Variants in MYCBP2 observed in about 807,000 individuals in gnomAD.
MYCBP2 encodes MYC binding protein 2.
MYCBP2 carries 120 observed loss-of-function variants against 525.3 expected under a neutral mutation model. That is an observed-to-expected ratio of 0.23 (90% CI 0.20 to 0.27). The LOEUF (loss-of-function observed/expected upper bound fraction) is 0.27, where lower values mean the gene tolerates loss of function less well. Ranked by LOEUF, MYCBP2 falls within the 10% of genes least tolerant of loss-of-function variation. The probability of loss-of-function intolerance (pLI) is 1.00; values close to 1 mark genes in which losing one functional copy is unlikely to be tolerated. For synonymous variants in MYCBP2, 1,894 were observed against 1,955.8 expected (o/e 0.97, Z 0.83); for missense variants, 4,149 against 5,657.1 (o/e 0.73, Z 8.55).
chr13:77,321,174 A>AT (rs1322244371), intron 1 of MYCBP2, among the ~76,000 whole-genome samples: 1 of 152,190 alleles, frequency 6.6e-6, no homozygotes, highest in Non-Finnish European at 1.5e-5. Context: ...TATTCTGTTG[A>AT]TTTTTTAAAC....
intron 15 of MYCBP2, among the ~76,000 whole-genome samples, chr13:77,249,301 T>C (rs1424294731): frequency 1.3e-5 from 2 of 152,186 alleles, no homozygotes; most frequent in Admixed American, 6.5e-5. Context: ...AGATATGTAG[T>C]CACAATTTTA....
At chr13:77,133,397 T>C (rs1385222581) in intron 52 of MYCBP2, among the ~76,000 whole-genome samples, 2 of 152,170 alleles carry the variant, frequency 1.3e-5, no homozygotes, top group Admixed American at 1.3e-4. Flanking sequence ...CATCCACAAA[T>C]GTGTAAAGCA....
At chr13:77,124,111 A>G (rs376621562) in intron 54 of MYCBP2, among the ~76,000 whole-genome samples, 3 of 152,312 alleles carry the variant, frequency 2.0e-5, no homozygotes, top group African/African-American at 7.2e-5. Context: ...TGTGTACAGC[A>G]TGGTGTAATG....
chr13:77,056,233 TG>T (rs1205424707), intron 79 of MYCBP2, among the ~76,000 whole-genome samples: 1 of 151,764 alleles, frequency 6.6e-6, no homozygotes, highest in Non-Finnish European at 1.5e-5. Context: ...AAAACTTTCA[TG>T]TATCTATTAA....
chr13:77,220,797 T>C (rs1013671170), intron 20 of MYCBP2, among the ~76,000 whole-genome samples: 1 of 152,144 alleles, frequency 6.6e-6, no homozygotes, highest in Admixed American at 6.5e-5. Context: ...TCCACAAAAG[T>C]CCAGACAGAC....
chr13:77,114,389 T>G (rs185571016), intron 55 of MYCBP2, among the ~76,000 whole-genome samples: 1 of 152,216 alleles, frequency 6.6e-6, no homozygotes, highest in Non-Finnish European at 1.5e-5. Flanking sequence ...CATTTTATAA[T>G]GAGGTAACAA....
intron 34 of MYCBP2, among the ~76,000 whole-genome samples, chr13:77,179,234 A>C (rs544053167): frequency 6.6e-6 from 1 of 152,318 alleles, no homozygotes; most frequent in East Asian, 1.9e-4. Context: ...TATAAAAGTA[A>C]AATAGAGAAA....
chr13:77,177,862 C>T lies in MYCBP2; in HGVS notation c.5226G>A (p.Gly1742=). 2 of 1,613,764 alleles carry T rather than the reference C, an allele frequency of 1.2e-6. No homozygotes were observed. Among genetic ancestry groups the T allele is most frequent in the Non-Finnish European group, 1.7e-6 (2 of 1,179,674 alleles). ...CTGAAAAACAGATTGCATCAGGGGACCCGTTCCCAGTGTTCCAACTTCTGC... is the reference window on the plus strand; with the variant it reads ...CTGAAAAACAGATTGCATCAGGGGATCCGTTCCCAGTGTTCCAACTTCTGC... ...SQGRSWNTGN[G]SPDAICFSVD... is the part of the protein sequence containing the mutation. The change falls in exon 35 of 83, where the codon GGG becomes GGA. Residue 1742 remains glycine (G), a synonymous_variant. Transcript: ENST00000544440.
At chr13:77,054,699 C>G (rs2037530643) in intron 80 of MYCBP2, among the ~76,000 whole-genome samples, 1 of 151,728 alleles carries the variant, frequency 6.6e-6, no homozygotes, top group South Asian at 2.1e-4. Flanking sequence ...CCCCTGGACT[C>G]AAGCGATTCC....
intron 2 of MYCBP2, among the ~76,000 whole-genome samples, chr13:77,294,131 C>CATATATATATATATATATATATAAAT: frequency 6.1e-5 from 4 of 65,710 alleles, no homozygotes; most frequent in South Asian, 5.4e-4. Context: ...TATATATATA[C>CATATATATATATATATATATATAAAT]ATATATATAT....
intron 1 of MYCBP2, among the ~76,000 whole-genome samples, chr13:77,324,780 T>C (rs187484732): frequency 4.9e-4 from 74 of 152,338 alleles, no homozygotes; most frequent in African/African-American, 1.3e-3. Flanking sequence ...CATATTACAC[T>C]AGTAGTAGGA....
At chr13:77,106,902 A>G (rs376662062) in intron 55 of MYCBP2, among the ~76,000 whole-genome samples, 1 of 152,200 alleles carries the variant, frequency 6.6e-6, no homozygotes, top group East Asian at 1.9e-4. Flanking sequence ...CTCCCACCTT[A>G]GATGCAATCT....
intron 23 of MYCBP2, among the ~76,000 whole-genome samples, chr13:77,208,181 G>T (rs1454046401): frequency 1.3e-5 from 2 of 151,874 alleles, no homozygotes; most frequent in African/African-American, 2.4e-5. Context: ...TTTAAATGCT[G>T]AAGGCCTCAA....
chr13:77,093,433 T>C lies in MYCBP2; in HGVS notation c.10200-101A>G, dbSNP rs117885044. On this transcript the variant is annotated intron_variant, in intron 58 of 82. Coordinates refer to ENST00000544440, the MANE Select transcript of MYCBP2 (RefSeq NM_015057.5). ...CAGGAAAAGCAGCACATGTAAATCATAGTTAAAGGCAAAGCATTAAAATAA... is the reference window on the plus strand; with the variant it reads ...CAGGAAAAGCAGCACATGTAAATCACAGTTAAAGGCAAAGCATTAAAATAA... 12 of 993,266 alleles carry C rather than the reference T, an allele frequency of 1.2e-5. No homozygotes were observed. The East Asian group carries it at 1.8e-4, about 15-fold the overall frequency. 61.5% of individuals were successfully genotyped at this position (993,266 alleles called of 1,614,324 possible). A position where few individuals can be genotyped will look rare whatever the true frequency, so the allele number is the denominator to read the frequency against.
intron 17 of MYCBP2, among the ~76,000 whole-genome samples, chr13:77,234,370 T>C (rs2067576574): frequency 6.6e-6 from 1 of 151,990 alleles, no homozygotes; most frequent in Non-Finnish European, 1.5e-5. Flanking sequence ...TGATCTTCAG[T>C]TTAATTTTTC....
At chr13:77,066,996 T>A (rs1391527134) in intron 71 of MYCBP2, among the ~76,000 whole-genome samples, 1 of 152,184 alleles carries the variant, frequency 6.6e-6, no homozygotes, top group Non-Finnish European at 1.5e-5. Context: ...TTGTCTATTA[T>A]ATAGGTTTAA....
chr13:77,221,100 T>C (rs1318463398), intron 20 of MYCBP2, among the ~76,000 whole-genome samples: 2 of 152,186 alleles, frequency 1.3e-5, no homozygotes, highest in Non-Finnish European at 2.9e-5. Flanking sequence ...GTTCGATGAC[T>C]ATGTAGCATC....
intron 1 of MYCBP2, among the ~76,000 whole-genome samples, chr13:77,315,973 A>T (rs1380190412): frequency 2.0e-5 from 3 of 151,926 alleles, no homozygotes; most frequent in Non-Finnish European, 4.4e-5. Flanking sequence ...ATATCTTCAA[A>T]TTGATAGAGG....
intron 2 of MYCBP2, among the ~76,000 whole-genome samples, chr13:77,292,555 T>C (rs1327375292): frequency 6.6e-6 from 1 of 151,656 alleles, no homozygotes; most frequent in African/African-American, 2.4e-5. Context: ...ACTCACAATA[T>C]GATCACATTT....
Sources: gnomAD v4.1 joint callset for allele counts (sites outside exome capture counted in the v4.1 genomes callset) on GRCh38, gnomAD v4.1.1 for gene constraint, MANE v1.5 for transcripts, NCBI Gene and HGNC (gene_info 2026-07-23, HGNC 2026-07-21) for gene names.